TAPT1: variants seen among roughly 807,000 people sequenced by gnomAD.
TAPT1 encodes transmembrane anterior posterior transformation protein 1 homolog.
TAPT1 carries 28 observed loss-of-function variants against 65.6 expected under a neutral mutation model. The observed-to-expected ratio is 0.43, with a 90% CI of 0.32 to 0.59. The LOEUF (loss-of-function observed/expected upper bound fraction) is 0.59. Among genes scored for constraint, TAPT1 ranks in the 20% least tolerant of loss-of-function variants. The pLI, the probability that TAPT1 is intolerant of heterozygous loss-of-function variation, is 0.09. For synonymous variants in TAPT1, 278 were observed against 245.2 expected (o/e 1.13, Z -1.25); for missense variants, 563 against 679.9 (o/e 0.83, Z 1.91).
intron 12 of TAPT1, 66 bp from the exon 13 acceptor site, chr4:16,166,859 A>C: frequency 6.6e-7 from 1 of 1,509,086 alleles, no homozygotes; most frequent in Non-Finnish European, 9.2e-7. Context: ...AATGCCATCT[A>C]CTACCATGGC....
rs775249703 is a variant in TAPT1 at position 16,176,166 on chromosome 4, T to C, written c.1060A>G (p.Ile354Val). The change falls in exon 9 of 14, where the codon ATT becomes GTT. Residue 354 changes from isoleucine (I) to valine (V), a missense_variant. Around this residue, in one of 5 missense-constraint regions of TAPT1, gnomAD observed 104 missense variants for 102.5 expected, o/e 1.01. Coordinates refer to ENST00000405303, the MANE Select transcript of TAPT1 (RefSeq NM_153365.3). ...TTAGTAATAAAGGCATGTTTTACAA[T>C]ATCCACGGCAATTTCTGATGCAATT... ...MVIASEIAVDIVKHAFITKFN... is the reference protein window; with the variant it reads ...MVIASEIAVDVVKHAFITKFN... The C allele has an allele frequency of 6.3e-7, 1 of 1,577,730 alleles. No homozygotes were observed. The highest frequency in any genetic ancestry group is 8.6e-7 in the Non-Finnish European group (1 of 1,160,216).
At chr4:16,221,252 A>T (rs1311603414) in intron 1 of TAPT1, among the ~76,000 whole-genome samples, 1 of 151,950 alleles carries the variant, frequency 6.6e-6, no homozygotes, top group East Asian at 1.9e-4. Context: ...TCAGCCTCCA[A>T]GTAGCTGGGA....
chr4:16,164,998 T>C (rs572569901), intron 13 of TAPT1, among the ~76,000 whole-genome samples: 1 of 152,162 alleles, frequency 6.6e-6, no homozygotes, highest in Non-Finnish European at 1.5e-5. Context: ...CACTCCACAC[T>C]TGCCATATTG....
Position 16,161,718 on chromosome 4 carries a change from C to T in TAPT1, c.*1590G>A, listed in dbSNP as rs1159380101. On this transcript the variant is annotated 3_prime_UTR_variant, in exon 14 of 14. Transcript: ENST00000405303. ...ATACAATTTCCTCAACATTAATCTT[C>T]AGATTTCTTTAGTTAATGCAAAACA... 2 of 152,224 alleles carry T rather than the reference C, an allele frequency of 1.3e-5. No individual in the cohort carries two copies. Among genetic ancestry groups the T allele is most frequent in the Non-Finnish European group, 2.9e-5 (2 of 68,038 alleles). 9.4% of individuals were successfully genotyped at this position (152,224 alleles called of 1,614,324 possible). A position where few individuals can be genotyped will look rare whatever the true frequency, so the allele number is the denominator to read the frequency against.
In TAPT1 at chr4:16,213,812, CTCT is replaced by C; in HGVS notation, c.283_285del (p.Arg95del). On this transcript the variant is annotated inframe_deletion, in exon 2 of 14. Coordinates refer to ENST00000405303, the MANE Select transcript of TAPT1 (RefSeq NM_153365.3). The stretch of plus-strand genomic sequence containing the variant: ...ATTCGCAAACAAGTGTATACTCTTT[CTCT>C]TCTTTCTGTATACTTGGCCTCATTA... 6.2e-7 allele frequency: 1 copy of C among 1,605,620 alleles called. No homozygotes were observed.
At chr4:16,173,547 T>TAA (rs61072350) in intron 11 of TAPT1, among the ~76,000 whole-genome samples, 2 of 149,646 alleles carry the variant, frequency 1.3e-5, no homozygotes, top group Non-Finnish European at 3.0e-5. Context: ...GCCTCCCGAG[T>TAA]AAAAAAAAAA....
intron 4 of TAPT1, 134 bp from the exon 5 acceptor site, chr4:16,188,489 A>G: frequency 1.6e-6 from 1 of 628,562 alleles, no homozygotes; most frequent in African/African-American, 1.9e-5. Context: ...AGGAGTGAGG[A>G]TCTTTGTTTA....
intron 7 of TAPT1, among the ~76,000 whole-genome samples, chr4:16,180,578 C>T (rs143416375): frequency 1.2e-3 from 188 of 152,300 alleles, no homozygotes; most frequent in Non-Finnish European, 8.8e-4. Context: ...CTCCTGTAAG[C>T]GCTCTGAATT....
intron 1 of TAPT1, among the ~76,000 whole-genome samples, chr4:16,217,773 CT>C (rs1322391247): frequency 6.6e-6 from 1 of 152,222 alleles, no homozygotes; most frequent in Non-Finnish European, 1.5e-5. Flanking sequence ...CAGAATTGTT[CT>C]GAGACTTGGG....
chr4:16,174,314 T>G (rs749817399), intron 10 of TAPT1, 42 bp from the exon 11 acceptor site: 1 of 1,520,760 alleles, frequency 6.6e-7, no homozygotes, highest in South Asian at 1.2e-5. Flanking sequence ...TTATGGGATT[T>G]AAACAGCATT....
At position 16,213,834 on chromosome 4, in the gene TAPT1, C is replaced by T; in HGVS notation, c.264G>A (p.Glu88=). Residue 88 remains glutamate (E), a synonymous_variant, in exon 2 of 14, where the codon GAG becomes GAA. Transcript: ENST00000405303. The stretch of plus-strand genomic sequence containing the variant: ...TTTCTCTTCTTTCTGTATACTTGGC[C>T]TCATTATGTTCAAGGAAGTACCCTC... ...LTRGYFLEHN[E]AKYTERRERV... is the part of the protein sequence containing the mutation. 6.2e-7 allele frequency: 1 copy of T among 1,610,112 alleles called. No individual in the cohort carries two copies. Among genetic ancestry groups the T allele is most frequent in the East Asian group, 2.2e-5 (1 of 44,654 alleles).
At chr4:16,204,464 G>A (rs1332400101) in intron 2 of TAPT1, among the ~76,000 whole-genome samples, 2 of 152,196 alleles carry the variant, frequency 1.3e-5, no homozygotes, top group South Asian at 2.1e-4. Flanking sequence ...TCTCAGCAGC[G>A]ATTTATCAAA....
Position 16,163,058 on chromosome 4 carries a change from T to C in TAPT1, c.*250A>G. The C allele has an allele frequency of 1.8e-6, 1 of 569,560 alleles. No individual in the cohort carries two copies. The highest frequency in any genetic ancestry group is 4.1e-5 in the East Asian group (1 of 24,390). 35.3% of individuals were successfully genotyped at this position (569,560 alleles called of 1,614,324 possible). The stretch of plus-strand genomic sequence containing the variant: ...GGGTCCTGGAAATGATGCTGCTGCT[T>C]GGCCAGGCAGGAGGAAGTTTTATAA... On this transcript the variant is annotated 3_prime_UTR_variant, in exon 14 of 14. Coordinates refer to ENST00000405303, the MANE Select transcript of TAPT1 (RefSeq NM_153365.3).
intron 3 of TAPT1, among the ~76,000 whole-genome samples, chr4:16,196,907 GT>G (rs1248227418): frequency 1.3e-5 from 2 of 152,164 alleles, no homozygotes; most frequent in Admixed American, 1.3e-4. Context: ...AGGCATATTT[GT>G]TTCCCCAGAG....
At chr4:16,170,205 T>G (rs1363313102) in intron 12 of TAPT1, among the ~76,000 whole-genome samples, 1 of 152,250 alleles carries the variant, frequency 6.6e-6, no homozygotes, top group Non-Finnish European at 1.5e-5. Flanking sequence ...CCAACAAACC[T>G]GCAGATGGAT....
At chr4:16,226,567 CCGCCGCCATCCGCGGCCCG>C (rs1269346626), upstream of TAPT1, 5 of 742,066 alleles carry the variant, frequency 6.7e-6, no homozygotes, top group East Asian at 6.0e-4. Context: ...GCCGCCGCCG[CCGCCGCCATCCGCGGCCCG>C]CCGACCGGCG....
At chr4:16,221,332 C>T (rs1349498140) in intron 1 of TAPT1, among the ~76,000 whole-genome samples, 1 of 151,944 alleles carries the variant, frequency 6.6e-6, no homozygotes, top group African/African-American at 2.4e-5. Context: ...CACCGTGTTG[C>T]CCATACTGGT....
chr4:16,197,430 T>C (rs1428681086), intron 3 of TAPT1, among the ~76,000 whole-genome samples: 1 of 152,228 alleles, frequency 6.6e-6, no homozygotes, highest in African/African-American at 2.4e-5. Context: ...ATCATTTTTC[T>C]CTACAATCTT....
chr4:16,192,748 C>A (rs1578446212), intron 3 of TAPT1, among the ~76,000 whole-genome samples: 1 of 152,144 alleles, frequency 6.6e-6, no homozygotes, highest in Non-Finnish European at 1.5e-5. Flanking sequence ...ATGCATAGTG[C>A]AATCAATAAA....
Sources: allele counts gnomAD v4.1 joint callset (sites outside exome capture counted in the v4.1 genomes callset), GRCh38; gene constraint gnomAD v4.1.1; regional missense constraint gnomAD v4.1.1; transcripts MANE v1.5; gene names NCBI Gene and HGNC (gene_info 2026-07-23, HGNC 2026-07-21).